Variants in SNX25 observed in about 807,000 individuals in gnomAD.
The protein encoded by SNX25 is sorting nexin-25.
A neutral mutation model predicts 113.7 loss-of-function variants in SNX25; 62 were observed. That is an observed-to-expected ratio of 0.55 (90% CI 0.44 to 0.67). The LOEUF is 0.67. Ranked by LOEUF, SNX25 falls within the 30% of genes least tolerant of loss-of-function variation. The pLI is 0.00. For synonymous variants in SNX25, 421 were observed against 436.2 expected (o/e 0.97, Z 0.43); for missense variants, 1,014 against 1,161.0 (o/e 0.87, Z 1.84).
chr4:185,219,042 C>T (rs921421529), intron 1 of SNX25, among the ~76,000 whole-genome samples: 2 of 152,142 alleles, frequency 1.3e-5, no homozygotes, highest in Non-Finnish European at 2.9e-5. Context: ...TTCTTCCATT[C>T]CTGGTGCTTG....
intron 9 of SNX25, among the ~76,000 whole-genome samples, chr4:185,324,051 T>G (rs1357934102): frequency 6.6e-6 from 1 of 152,232 alleles, no homozygotes; most frequent in Non-Finnish European, 1.5e-5. Context: ...ACATCTTCCC[T>G]CATGCTGGCA....
intron 7 of SNX25, among the ~76,000 whole-genome samples, chr4:185,319,890 G>A (rs2095106752): frequency 6.6e-6 from 1 of 152,132 alleles, no homozygotes; most frequent in South Asian, 2.1e-4. Context: ...CAGCATCACT[G>A]ATCATTAGAG....
intron 1 of SNX25, among the ~76,000 whole-genome samples, chr4:185,224,512 T>C (rs868634241): frequency 6.0e-5 from 7 of 116,118 alleles, no homozygotes; most frequent in African/African-American, 2.0e-4. Flanking sequence ...AATATATAGA[T>C]ATATAAATAT....
At chr4:185,262,956 G>A (rs1362091758) in intron 3 of SNX25, among the ~76,000 whole-genome samples, 1 of 152,222 alleles carries the variant, frequency 6.6e-6, no homozygotes, top group East Asian at 1.9e-4. Context: ...CTTTCTAGAG[G>A]ACATCATAGG....
At chr4:185,296,425 C>T (rs1752849355) in intron 6 of SNX25, among the ~76,000 whole-genome samples, 1 of 152,282 alleles carries the variant, frequency 6.6e-6, no homozygotes, top group Non-Finnish European at 1.5e-5. Context: ...TTTAGGTTCA[C>T]AGTAGATTAG....
rs192570580 is a variant in SNX25 at position 185,334,489 on chromosome 4, A to C, written c.1914+1730A>C. 6.6e-6 allele frequency among the ~76,000 whole-genome samples: 1 copy of C among 152,206 alleles called. No homozygotes were observed. The highest frequency in any genetic ancestry group is 2.4e-5 in the African/African-American group (1 of 41,450). ...TACATACAGAACTCGAAAGCCTGAT[A>C]GTCTTCCCAGTGACAAGAACATGTC... On this transcript the variant is annotated intron_variant, in intron 10 of 18. Transcript: ENST00000652585. The surrounding 1 kb of genome is among the most constrained non-coding windows in gnomAD (Gnocchi z 4.2).
intron 10 of SNX25, among the ~76,000 whole-genome samples, chr4:185,335,708 C>T (rs1478570927): frequency 6.6e-6 from 1 of 151,888 alleles, no homozygotes; most frequent in Non-Finnish European, 1.5e-5. Flanking sequence ...GCAAACTGTC[C>T]AATTCTAGGG....
intron 7 of SNX25, among the ~76,000 whole-genome samples, chr4:185,315,452 C>G (rs2126674342): frequency 6.6e-6 from 1 of 151,940 alleles, no homozygotes; most frequent in East Asian, 2.0e-4. Context: ...CACCACCACG[C>G]CCAGCTAATG....
intron 1 of SNX25, among the ~76,000 whole-genome samples, chr4:185,215,277 T>C (rs554464987): frequency 6.6e-6 from 1 of 151,432 alleles, no homozygotes; most frequent in African/African-American, 2.4e-5. Context: ...CATGGCACTG[T>C]TTTGGGTGTT....
intron 5 of SNX25, among the ~76,000 whole-genome samples, chr4:185,272,198 G>A (rs923094882): frequency 2.0e-5 from 3 of 152,198 alleles, no homozygotes; most frequent in African/African-American, 2.4e-5. Flanking sequence ...ATATTAAAGG[G>A]CAGCTGGATG....
chr4:185,377,061 G>T, the SNX25 span: 1 of 1,339,890 alleles, frequency 7.5e-7, no homozygotes, highest in Non-Finnish European at 1.1e-6. Flanking sequence ...CACACAATAT[G>T]AATTTTCTCT....
intron 5 of SNX25, among the ~76,000 whole-genome samples, chr4:185,275,760 C>G (rs185948652): frequency 6.6e-6 from 1 of 152,230 alleles, no homozygotes; most frequent in Middle Eastern, 3.4e-3. Flanking sequence ...CAAACTAATA[C>G]ATCATGTCAG....
chr4:185,291,280 C>CTG (rs1457430775), intron 6 of SNX25, among the ~76,000 whole-genome samples: 3 of 152,126 alleles, frequency 2.0e-5, no homozygotes, highest in African/African-American at 7.2e-5. Context: ...TCATACTGTT[C>CTG]TGTAGCCATC....
intron 3 of SNX25, among the ~76,000 whole-genome samples, chr4:185,260,461 C>T (rs998550557): frequency 4.6e-5 from 7 of 152,016 alleles, no homozygotes; most frequent in Admixed American, 2.6e-4. Context: ...TTGAAATGGG[C>T]CATGGTGAGA....
chr4:185,341,852 T>C (rs1254369347), intron 11 of SNX25, 124 bp from the exon 12 acceptor site: 7 of 951,176 alleles, frequency 7.4e-6, no homozygotes, highest in African/African-American at 3.4e-5. Flanking sequence ...ATATTCACAG[T>C]TCCAGGGATC....
chr4:185,214,930 A>G (rs1738532780), intron 1 of SNX25, among the ~76,000 whole-genome samples: 1 of 152,150 alleles, frequency 6.6e-6, no homozygotes, highest in Non-Finnish European at 1.5e-5. Context: ...AATAGGTGGC[A>G]TTAAGAACTA....
chr4:185,233,356 A>G (rs1179124660), intron 1 of SNX25, among the ~76,000 whole-genome samples: 1 of 152,124 alleles, frequency 6.6e-6, no homozygotes, highest in Non-Finnish European at 1.5e-5. Context: ...CCTCTCCAGT[A>G]CCCAGCTAAG....
intron 8 of SNX25, among the ~76,000 whole-genome samples, chr4:185,323,053 A>C (rs565360887): frequency 8.4e-4 from 128 of 152,334 alleles, no homozygotes; most frequent in African/African-American, 2.9e-3. Flanking sequence ...TATAAGCTTG[A>C]CTAGGACATA....
At position 185,290,775 on chromosome 4, in the gene SNX25, G is replaced by T. The variant is rs572990471; in HGVS notation, c.1162+2693G>T. Among the ~76,000 whole-genome samples the T allele has an allele frequency of 3.3e-5, 5 of 149,258 alleles. No individual in the cohort carries two copies. The East Asian group carries it at 1.0e-3, about 30-fold the overall frequency. Reference sequence around the variant, plus strand: ...TCTCTCTGCCTAAAATGATCAAAAAGGTCAGAATCTAGTTTAAAGAGAATT... The same window carrying T: ...TCTCTCTGCCTAAAATGATCAAAAATGTCAGAATCTAGTTTAAAGAGAATT... On this transcript the variant is annotated intron_variant, in intron 6 of 18. Coordinates refer to ENST00000652585, the MANE Select transcript of SNX25 (RefSeq NM_001378034.2).
Sources: allele counts gnomAD v4.1 joint callset (sites outside exome capture counted in the v4.1 genomes callset), GRCh38; gene constraint gnomAD v4.1.1; non-coding constraint Gnocchi (gnomAD v3.1); transcripts MANE v1.5; gene names NCBI Gene and HGNC (gene_info 2026-07-23, HGNC 2026-07-21).